Variants in EIF2B3 observed in about 807,000 individuals in gnomAD.
EIF2B3 encodes the protein translation initiation factor eIF2B subunit gamma.
A neutral mutation model predicts 54.1 loss-of-function variants in EIF2B3; 20 were observed. The ratio of observed to expected loss-of-function variants is 0.37; its 90% CI spans 0.26 to 0.54. The LOEUF (loss-of-function observed/expected upper bound fraction) is 0.54. Among genes scored for constraint, EIF2B3 ranks in the 20% least tolerant of loss-of-function variants. EIF2B3 has a pLI of 0.86. For missense variants in EIF2B3, 448 were observed against 547.8 expected (o/e 0.82, Z 1.82); for synonymous variants, 153 against 188.1 (o/e 0.81, Z 1.52).
At chr1:44,875,568 G>A (rs926485690) in intron 9 of EIF2B3, 50 bp downstream of exon 9, 4 of 1,574,914 alleles carry the variant, frequency 2.5e-6, no homozygotes, top group African/African-American at 1.3e-5. Flanking sequence ...AACAAGTCTC[G>A]ATGCTCCCAA....
At position 44,877,192 on chromosome 1, in the gene EIF2B3, T is replaced by TAAAAAAAAAAAAAA. The variant is rs768263508; in HGVS notation, c.976-1511_976-1498dup. Among the ~76,000 whole-genome samples the TAAAAAAAAAAAAAA allele has an allele frequency of 4.6e-4, 24 of 52,062 alleles. 2 individuals are homozygous for TAAAAAAAAAAAAAA. The highest frequency in any genetic ancestry group is 1.8e-3 in the African/African-American group (20 of 11,198). The allele number at this position is 52,062 out of a possible 152,430, so 34.2% of individuals were successfully genotyped here. On this transcript the variant is annotated intron_variant, in intron 8 of 11. Transcript: ENST00000360403. ...GCGAGAAACACCCAAGAATGATCAA[T>TAAAAAAAAAAAAAA]AAAAAAAAAAAAAAAAAAAAAAAAA...
intron 5 of EIF2B3, among the ~76,000 whole-genome samples, chr1:44,905,352 A>G (rs1643392726): frequency 6.6e-6 from 1 of 152,126 alleles, no homozygotes; most frequent in Non-Finnish European, 1.5e-5. Context: ...TTTTTAGGTG[A>G]CCTTGTGGGT....
intron 5 of EIF2B3, among the ~76,000 whole-genome samples, chr1:44,916,767 G>A (rs2148926074): frequency 6.7e-6 from 1 of 149,298 alleles, no homozygotes; most frequent in Admixed American, 6.7e-5. Flanking sequence ...AGGCTGCAGT[G>A]AGCCACTGTA....
chr1:44,876,681 C>G (rs149584608), intron 8 of EIF2B3, among the ~76,000 whole-genome samples: 1 of 123,940 alleles, frequency 8.1e-6, no homozygotes, highest in East Asian at 2.4e-4. Context: ...GGCCACGACC[C>G]CCTCTGGGAG....
chr1:44,947,961 C>T (rs111978897), intron 3 of EIF2B3, among the ~76,000 whole-genome samples: 22,613 of 152,098 alleles, frequency 0.15, 1,805 homozygotes, highest in Non-Finnish European at 0.17. Flanking sequence ...CCTGCCTCAG[C>T]CTCCCAAAAT....
At chr1:44,968,366 A>G (rs1461402477) in intron 3 of EIF2B3, among the ~76,000 whole-genome samples, 3 of 145,786 alleles carry the variant, frequency 2.1e-5, no homozygotes, top group African/African-American at 7.8e-5. Flanking sequence ...TGCCTCTTAA[A>G]AAAAGGAAAA....
chr1:44,903,308 C>T (rs543185679), intron 5 of EIF2B3, among the ~76,000 whole-genome samples: 7 of 152,288 alleles, frequency 4.6e-5, no homozygotes, highest in Admixed American at 4.6e-4. Context: ...TAGTTAACAA[C>T]AAGATCTTTA....
chr1:44,889,992 T>C (rs183061793), intron 6 of EIF2B3, among the ~76,000 whole-genome samples: 1 of 152,360 alleles, frequency 6.6e-6, no homozygotes. Flanking sequence ...TAAGGCTAAA[T>C]ATACTTTTGA....
At chr1:44,899,723 A>G (rs1643234861) in intron 5 of EIF2B3, among the ~76,000 whole-genome samples, 1 of 152,234 alleles carries the variant, frequency 6.6e-6, no homozygotes, top group African/African-American at 2.4e-5. Context: ...AAATGTTTAT[A>G]TACTGTTGGT....
chr1:44,861,338 G>C (rs1573682395), intron 10 of EIF2B3, among the ~76,000 whole-genome samples: 1 of 152,164 alleles, frequency 6.6e-6, no homozygotes, highest in Non-Finnish European at 1.5e-5. Flanking sequence ...TTGGCTACTA[G>C]TTTATAATGG....
At chr1:44,895,528 C>CTCTA (rs1655941277) in intron 6 of EIF2B3, among the ~76,000 whole-genome samples, 1 of 149,278 alleles carries the variant, frequency 6.7e-6, no homozygotes, top group East Asian at 2.0e-4. Flanking sequence ...CTCTCTCTCT[C>CTCTA]TATATATATA....
intron 4 of EIF2B3, among the ~76,000 whole-genome samples, chr1:44,932,881 T>G (rs1475449131): frequency 1.3e-5 from 2 of 152,182 alleles, no homozygotes; most frequent in African/African-American, 4.8e-5. Context: ...GCTCAAAAAT[T>G]TACTTCTCAC....
At chr1:44,861,782 C>CCA (rs1654615375) in intron 10 of EIF2B3, among the ~76,000 whole-genome samples, 1 of 152,086 alleles carries the variant, frequency 6.6e-6, no homozygotes, top group Admixed American at 6.6e-5. Context: ...TCCTGAGGCT[C>CCA]CTGGTAAGTG....
intron 3 of EIF2B3, among the ~76,000 whole-genome samples, chr1:44,967,849 C>T (rs147395135): frequency 1.3e-5 from 2 of 151,410 alleles, no homozygotes; most frequent in African/African-American, 4.8e-5. Flanking sequence ...ACCAGCCTGG[C>T]CAACAGGGTG....
At chr1:44,965,801 A>G (rs1007241817) in intron 3 of EIF2B3, among the ~76,000 whole-genome samples, 1 of 151,760 alleles carries the variant, frequency 6.6e-6, no homozygotes, top group African/African-American at 2.4e-5. Context: ...TACTATGCCC[A>G]GCTAATTTTT....
At chr1:44,910,671 G>T in intron 5 of EIF2B3, among the ~76,000 whole-genome samples, 1 of 121,754 alleles carries the variant, frequency 8.2e-6, no homozygotes. Flanking sequence ...AGAGAGAAAT[G>T]GGTCTTGCTA....
chr1:44,918,042 G>T (rs1483244819), intron 5 of EIF2B3, among the ~76,000 whole-genome samples: 1 of 148,162 alleles, frequency 6.7e-6, no homozygotes, highest in African/African-American at 2.5e-5. Context: ...CAAAGTGCTG[G>T]GATTACAGGC....
chr1:44,932,881 T>A (rs1475449131), intron 4 of EIF2B3, among the ~76,000 whole-genome samples: 1 of 152,182 alleles, frequency 6.6e-6, no homozygotes, highest in Admixed American at 6.5e-5. Flanking sequence ...GCTCAAAAAT[T>A]TACTTCTCAC....
rs924372647 is a variant in EIF2B3 at position 44,982,360 on chromosome 1, G to A, written c.-9-1183C>T. Among the ~76,000 whole-genome samples, 10 of 151,990 alleles carry A rather than the reference G, an allele frequency of 6.6e-5. 1 individual carries two copies. Among genetic ancestry groups the A allele is most frequent in the Admixed American group, 4.6e-4 (7 of 15,258 alleles). ...TGTTGCCAGGCTGGAGTGCAATGCC[G>A]TGATCTCGGCTCACTGCAACCTCCA... On this transcript the variant is annotated intron_variant, in intron 1 of 11. Transcript: ENST00000360403.
Sources: allele counts gnomAD v4.1 joint callset (sites outside exome capture counted in the v4.1 genomes callset), GRCh38; gene constraint gnomAD v4.1.1; transcripts MANE v1.5; gene names NCBI Gene and HGNC (gene_info 2026-07-23, HGNC 2026-07-21).